PHACTR1: variants seen among roughly 807,000 people sequenced by gnomAD.
The protein encoded by PHACTR1 is RPEL repeat containing 1.
In PHACTR1, 16 loss-of-function variants were observed where a neutral mutation model predicts 69.2. The observed-to-expected ratio is 0.23, with a 90% CI of 0.16 to 0.35. The LOEUF is 0.35. Ranked by LOEUF, PHACTR1 falls within the 10% of genes least tolerant of loss-of-function variation. The pLI, the probability that PHACTR1 is intolerant of heterozygous loss-of-function variation, is 1.00. For missense variants in PHACTR1, 510 were observed against 734.7 expected (o/e 0.69, Z 3.54); for synonymous variants, 312 against 284.5 (o/e 1.10, Z -0.97).
At chr6:12,914,136 A>G (rs1786710337) in intron 4 of PHACTR1, among the ~76,000 whole-genome samples, 2 of 151,836 alleles carry the variant, frequency 1.3e-5, no homozygotes, top group Non-Finnish European at 2.9e-5. Context: ...GGTAGCTGGG[A>G]TTACAAGCAC....
In PHACTR1 at chr6:13,287,126, A is replaced by T; in HGVS notation, c.*48A>T. The T allele has an allele frequency of 2.0e-6, 3 of 1,519,236 alleles. No individual in the cohort carries two copies. Among genetic ancestry groups the T allele is most frequent in the Admixed American group, 1.9e-5 (1 of 53,214 alleles). The allele number at this position is 1,519,236 out of a possible 1,614,324, so 94.1% of individuals were successfully genotyped here. A position where few individuals can be genotyped will look rare whatever the true frequency, so the allele number is the denominator to read the frequency against. ...TATGCTGTCTTCAAAACATAAATTT[A>T]TAAGAACCATAAGTGCTGGTATTTA... On this transcript the variant is annotated 3_prime_UTR_variant, in exon 15 of 15. Transcript: ENST00000332995.
At chr6:13,009,519 G>C (rs1472350264) in intron 4 of PHACTR1, among the ~76,000 whole-genome samples, 1 of 152,038 alleles carries the variant, frequency 6.6e-6, no homozygotes, top group South Asian at 2.1e-4. Context: ...TTCTCCGTAA[G>C]AGTTAAAGCA....
chr6:12,925,129 T>C (rs1468513874), intron 4 of PHACTR1, among the ~76,000 whole-genome samples: 1 of 152,236 alleles, frequency 6.6e-6, no homozygotes, highest in East Asian at 1.9e-4. Context: ...CATTTGTATT[T>C]TATATACAAT....
chr6:12,934,014 C>T, intron 4 of PHACTR1: 1 of 1,475,910 alleles, frequency 6.8e-7, no homozygotes, highest in Non-Finnish European at 9.0e-7. Context: ...TATCAATTTG[C>T]TCTCTGATGG....
intron 4 of PHACTR1, among the ~76,000 whole-genome samples, chr6:12,946,277 A>G (rs1302694046): frequency 2.0e-5 from 3 of 152,106 alleles, no homozygotes; most frequent in Admixed American, 6.6e-5. Flanking sequence ...ATGAGCAGGA[A>G]TGTAGTGAAG....
chr6:12,743,923 A>T (rs1385986985), intron 3 of PHACTR1, among the ~76,000 whole-genome samples: 1 of 152,182 alleles, frequency 6.6e-6, no homozygotes, highest in Non-Finnish European at 1.5e-5. Context: ...ACTCCTCAGC[A>T]AATGTAAAAG....
At chr6:12,721,615 A>G (rs908120054) in intron 3 of PHACTR1, among the ~76,000 whole-genome samples, 3 of 152,154 alleles carry the variant, frequency 2.0e-5, no homozygotes, top group African/African-American at 7.2e-5. Flanking sequence ...CACTTTAAAG[A>G]TGAGAGTCCC....
At chr6:13,164,208 A>G (rs1759450080) in intron 6 of PHACTR1, among the ~76,000 whole-genome samples, 1 of 152,018 alleles carries the variant, frequency 6.6e-6, no homozygotes, top group African/African-American at 2.4e-5. Flanking sequence ...CCTTTCTATA[A>G]TATCATTCTT....
At chr6:12,921,420 C>A (rs535185915) in intron 4 of PHACTR1, among the ~76,000 whole-genome samples, 2 of 148,290 alleles carry the variant, frequency 1.3e-5, no homozygotes, top group African/African-American at 2.5e-5. Flanking sequence ...AATGCTAGTG[C>A]ACTGTGAAAC....
intron 5 of PHACTR1, among the ~76,000 whole-genome samples, chr6:13,097,245 A>G (rs1453138354): frequency 2.0e-5 from 3 of 152,200 alleles, no homozygotes; most frequent in Admixed American, 6.5e-5. Context: ...TATGTTTTCT[A>G]TGGAAAATGG....
chr6:13,193,357 G>GTATATATA (rs56305254), intron 7 of PHACTR1, among the ~76,000 whole-genome samples: 3,128 of 67,996 alleles, frequency 0.046, 325 homozygotes, highest in African/African-American at 0.089. Flanking sequence ...AGCTCTCTGT[G>GTATATATA]TATATATATA....
At chr6:12,878,075 A>G (rs1782718584) in intron 4 of PHACTR1, among the ~76,000 whole-genome samples, 1 of 152,222 alleles carries the variant, frequency 6.6e-6, no homozygotes, top group Non-Finnish European at 1.5e-5. Flanking sequence ...TTTGAGGCCA[A>G]AATCATGCTT....
At chr6:12,885,171 G>A (rs1038417072) in intron 4 of PHACTR1, among the ~76,000 whole-genome samples, 4 of 152,178 alleles carry the variant, frequency 2.6e-5, no homozygotes, top group African/African-American at 7.2e-5. Context: ...GGAATGCAGG[G>A]AAGGTCCCGT....
chr6:12,995,034 C>G (rs1797258242), intron 4 of PHACTR1, among the ~76,000 whole-genome samples: 1 of 151,850 alleles, frequency 6.6e-6, no homozygotes, highest in Admixed American at 6.6e-5. Flanking sequence ...ATTGAAGAGG[C>G]AGATGTGAAG....
chr6:12,898,822 G>A (rs1043980239), intron 4 of PHACTR1, among the ~76,000 whole-genome samples: 4 of 152,116 alleles, frequency 2.6e-5, no homozygotes, highest in Admixed American at 6.5e-5. Flanking sequence ...TAATCTACCC[G>A]CTTGCCTTCC....
At chr6:12,919,894 T>C (rs1787449483) in intron 4 of PHACTR1, among the ~76,000 whole-genome samples, 1 of 152,172 alleles carries the variant, frequency 6.6e-6, no homozygotes, top group Non-Finnish European at 1.5e-5. Flanking sequence ...GAAAGAGCAC[T>C]GGTTTTATTG....
At chr6:12,962,862 T>C (rs1792929417) in intron 4 of PHACTR1, among the ~76,000 whole-genome samples, 1 of 152,222 alleles carries the variant, frequency 6.6e-6, no homozygotes, top group African/African-American at 2.4e-5. Flanking sequence ...TGCCATGTTC[T>C]GCAGAATCAA....
chr6:13,064,621 TCC>T (rs1808330877), intron 5 of PHACTR1, among the ~76,000 whole-genome samples: 1 of 65,952 alleles, frequency 1.5e-5, no homozygotes, highest in Non-Finnish European at 2.7e-5. Context: ...TATCTATCTA[TCC>T]ACACTTGCCA....
chr6:13,231,616 GCTT>G (rs1277242666), intron 10 of PHACTR1, among the ~76,000 whole-genome samples: 1 of 152,200 alleles, frequency 6.6e-6, no homozygotes, highest in Non-Finnish European at 1.5e-5. Context: ...TGGTAGTGAT[GCTT>G]CATTACTCCA....
Sources: allele counts gnomAD v4.1 joint callset (sites outside exome capture counted in the v4.1 genomes callset), GRCh38; gene constraint gnomAD v4.1.1; transcripts MANE v1.5; gene names NCBI Gene and HGNC (gene_info 2026-07-23, HGNC 2026-07-21).